UQCC1: variants seen among roughly 807,000 people sequenced by gnomAD.
UQCC1 encodes bFGF-repressed Zic-binding protein.
UQCC1 carries 38 observed loss-of-function variants against 48.0 expected under a neutral mutation model. That is an observed-to-expected ratio of 0.79 (90% CI 0.61 to 1.04). The LOEUF is 1.04. Among genes scored for constraint, UQCC1 ranks in the 50% least tolerant of loss-of-function variants. UQCC1 has a pLI of 0.00. For missense variants in UQCC1, 368 were observed against 381.8 expected, an observed-to-expected ratio of 0.96 and a Z score of 0.30; for synonymous variants, 111 against 129.2, an observed-to-expected ratio of 0.86 and a Z score of 0.95.
intron 6 of UQCC1, among the ~76,000 whole-genome samples, chr20:35,363,325 T>G (rs1046638810): frequency 2.0e-5 from 3 of 152,052 alleles, no homozygotes; most frequent in African/African-American, 7.2e-5. Flanking sequence ...CAAGTCCACG[T>G]GGGGATGCTA....
At chr20:35,382,068 A>T (rs2061876709) in intron 3 of UQCC1, 43 bp from the exon 4 acceptor site, 2 of 1,306,596 alleles carry the variant, frequency 1.5e-6, no homozygotes, top group Non-Finnish European at 2.2e-6. Flanking sequence ...GTTGCAAAAA[A>T]TTTTTAATAG....
chr20:35,338,285 G>A (rs1475989718), intron 7 of UQCC1, among the ~76,000 whole-genome samples: 1 of 152,082 alleles, frequency 6.6e-6, no homozygotes, highest in Non-Finnish European at 1.5e-5. Context: ...GAAATAAATG[G>A]AATGCCTTTA....
chr20:35,382,666 C>T (rs1007761426), intron 3 of UQCC1, among the ~76,000 whole-genome samples: 13 of 151,832 alleles, frequency 8.6e-5, no homozygotes, highest in Admixed American at 2.6e-4. Context: ...CCCACCACCA[C>T]GCCCGGCTAA....
intron 4 of UQCC1, among the ~76,000 whole-genome samples, chr20:35,379,861 CCATCA>C (rs372104056): frequency 1.3e-5 from 2 of 152,136 alleles, no homozygotes; most frequent in African/African-American, 4.8e-5. Flanking sequence ...AAAGTACACA[CCATCA>C]CATCACAAGA....
chr20:35,348,369 CTTTTTTGTT>C lies in UQCC1; in HGVS notation c.465-1106_465-1098del, dbSNP rs1319322669. Reference sequence around the variant, plus strand: ...ATTTCATGCATGACCATAGTTCATTCTTTTTTGTTTTGTTTTGTTTTGTTTTGTTTTGTT... The same window carrying C: ...ATTTCATGCATGACCATAGTTCATTCTTGTTTTGTTTTGTTTTGTTTTGTT... On this transcript the variant is annotated intron_variant, in intron 6 of 9. Transcript: ENST00000374385. Among the ~76,000 whole-genome samples, 21 of 128,266 alleles carry C rather than the reference CTTTTTTGTT, an allele frequency of 1.6e-4. No individual in the cohort carries two copies. The East Asian group carries it at 5.4e-3, about 33-fold the overall frequency. The allele number at this position is 128,266 out of a possible 152,430, so 84.1% of individuals were successfully genotyped here. A position where few individuals can be genotyped will look rare whatever the true frequency, so the allele number is the denominator to read the frequency against.
intron 1 of UQCC1, among the ~76,000 whole-genome samples, chr20:35,400,115 G>A (rs1186731927): frequency 1.3e-5 from 2 of 151,710 alleles, no homozygotes; most frequent in Non-Finnish European, 2.9e-5. Context: ...CGGTAGAGGC[G>A]GGGTTTCACC....
At position 35,346,805 on chromosome 20, in the gene UQCC1, A is replaced by T; in HGVS notation, c.573+359T>A. The T allele has an allele frequency of 1.5e-5, 9 of 586,972 alleles. 2 individuals carry two copies. In the South Asian group the frequency reaches 2.0e-4, roughly 13 times the overall value. 36.4% of individuals were successfully genotyped at this position (586,972 alleles called of 1,614,324 possible). ...CCCATCAGAACTAATTTATAGAAGG[A>T]CTGGTTCAAATATTGAACTGGTGTC... On this transcript the variant is annotated intron_variant, in intron 7 of 9. Coordinates refer to ENST00000374385, the MANE Select transcript of UQCC1 (RefSeq NM_018244.5).
At chr20:35,330,597 T>C (rs529239578) in intron 7 of UQCC1, among the ~76,000 whole-genome samples, 1 of 152,312 alleles carries the variant, frequency 6.6e-6, no homozygotes, top group Non-Finnish European at 1.5e-5. Context: ...TCAGACGAGA[T>C]ACCCCTAGTA....
At chr20:35,338,704 G>T (rs926659961) in intron 7 of UQCC1, among the ~76,000 whole-genome samples, 1 of 150,036 alleles carries the variant, frequency 6.7e-6, no homozygotes, top group South Asian at 2.1e-4. Flanking sequence ...AATCAGCCTG[G>T]CATGGTGGCA....
chr20:35,323,812 C>A (rs2061159589), intron 7 of UQCC1, among the ~76,000 whole-genome samples: 1 of 152,244 alleles, frequency 6.6e-6, no homozygotes, highest in Admixed American at 6.5e-5. Flanking sequence ...ATGTTCAGGA[C>A]CTACTCTTTC....
chr20:35,389,085 AT>A (rs1179699045), intron 2 of UQCC1, among the ~76,000 whole-genome samples: 2 of 152,184 alleles, frequency 1.3e-5, no homozygotes, highest in South Asian at 2.1e-4. Flanking sequence ...AATAAAAAAA[AT>A]AAAAAAATAA....
chr20:35,343,038 C>T (rs1028263606), intron 7 of UQCC1, among the ~76,000 whole-genome samples: 5 of 152,150 alleles, frequency 3.3e-5, no homozygotes, highest in African/African-American at 7.2e-5. Flanking sequence ...ATCACTAACT[C>T]GAAAGTGGCT....
At chr20:35,384,162 A>G in intron 2 of UQCC1, 29 bp from the exon 3 acceptor site, 1 of 1,565,134 alleles carries the variant, frequency 6.4e-7, no homozygotes, top group Non-Finnish European at 8.8e-7. Context: ...GATCTATGCA[A>G]CACTGAGCAC....
chr20:35,396,368 C>G (rs2062079604), intron 1 of UQCC1, among the ~76,000 whole-genome samples: 1 of 139,294 alleles, frequency 7.2e-6, no homozygotes, highest in African/African-American at 2.6e-5. Context: ...ATGGTGCTAA[C>G]ATTGCACACT....
At chr20:35,376,685 C>T (rs2061804774) in intron 4 of UQCC1, among the ~76,000 whole-genome samples, 1 of 152,170 alleles carries the variant, frequency 6.6e-6, no homozygotes, top group Non-Finnish European at 1.5e-5. Context: ...ATGAAATCAG[C>T]CAGGCGCGGT....
At chr20:35,404,904 A>C (rs549350139) in intron 1 of UQCC1, among the ~76,000 whole-genome samples, 2 of 152,332 alleles carry the variant, frequency 1.3e-5, no homozygotes, top group Non-Finnish European at 2.9e-5. Flanking sequence ...AAAGGTTTAA[A>C]GGAAAAGCTG....
rs11483909 is a variant in UQCC1, at chr20:35,391,633, TA to T, written c.129+2458del. On this transcript the variant is annotated intron_variant, in intron 2 of 9. Transcript: ENST00000374385. Reference sequence around the variant, plus strand: ...TGGACGACAGAGTGGGACTCTGTCTTAAAAAAAAAAAAATGAAAATTTAACA... The same window carrying T: ...TGGACGACAGAGTGGGACTCTGTCTTAAAAAAAAAAAATGAAAATTTAACA... Among the ~76,000 whole-genome samples the T allele has an allele frequency of 4.4e-3, 641 of 145,410 alleles. 4 individuals carry two copies. Among genetic ancestry groups the T allele is most frequent in the African/African-American group, 0.014 (570 of 39,566 alleles).
intron 5 of UQCC1, among the ~76,000 whole-genome samples, chr20:35,373,364 C>T (rs1044296346): frequency 6.6e-6 from 1 of 152,030 alleles, no homozygotes; most frequent in African/African-American, 2.4e-5. Flanking sequence ...GCCAAACGTC[C>T]ATGTCAAAAT....
chr20:35,363,028 T>TA (rs60988214), intron 6 of UQCC1, among the ~76,000 whole-genome samples: 1,330 of 80,670 alleles, frequency 0.016, 16 homozygotes, highest in Middle Eastern at 0.039. Context: ...TCCTTAAAAC[T>TA]AAAAAAAAAA....
Sources: gnomAD v4.1 joint callset for allele counts (sites outside exome capture counted in the v4.1 genomes callset) on GRCh38, gnomAD v4.1.1 for gene constraint, MANE v1.5 for transcripts, NCBI Gene and HGNC (gene_info 2026-07-23, HGNC 2026-07-21) for gene names.